Variants in OXNAD1 observed in about 807,000 individuals in gnomAD.
The protein encoded by OXNAD1 is oxidoreductase NAD binding domain containing 1.
A neutral mutation model predicts 32.9 loss-of-function variants in OXNAD1; 34 were observed. That is an observed-to-expected ratio of 1.03 (90% confidence interval 0.79 to 1.38). OXNAD1 has a LOEUF of 1.38. Among genes scored for constraint, OXNAD1 ranks in the 40% most tolerant of loss-of-function variants. OXNAD1 has a pLI of 0.00. For synonymous variants in OXNAD1, 134 were observed against 135.2 expected (o/e 0.99, Z 0.06); for missense variants, 407 against 379.4 (o/e 1.07, Z -0.60).
downstream of OXNAD1, among the ~76,000 whole-genome samples, chr3:16,310,960 A>T (rs574762244): frequency 7.1e-6 from 1 of 141,252 alleles, no homozygotes; most frequent in African/African-American, 2.6e-5. Flanking sequence ...ATTGCACTCC[A>T]GCCTGGGCAA....
chr3:16,268,569 G>A lies in OXNAD1; in HGVS notation c.-158-557G>A, dbSNP rs181738094. Among the ~76,000 whole-genome samples, 9 of 151,986 alleles carry A rather than the reference G, an allele frequency of 5.9e-5. No homozygotes were observed. In the East Asian group the frequency reaches 1.2e-3, roughly 20 times the overall value. On this transcript the variant is annotated intron_variant, in intron 1 of 8. Transcript: ENST00000285083. The stretch of plus-strand genomic sequence containing the variant: ...TGGTCTCAAACTCCTGACCTCAGGC[G>A]ATCTACCCACCTCATCCTCCCAAAG...
At position 16,301,878 on chromosome 3, in the gene OXNAD1, G is replaced by A; in HGVS notation, c.675+10G>A. On this transcript the variant is annotated intron_variant, in intron 7 of 8. Transcript: ENST00000285083. The surrounding 1 kb of genome is among the most constrained non-coding windows in gnomAD (Gnocchi z 4.1). ...CGAACTCCTGTTTAAGGTAAGGGAG[G>A]TATAGCTTGCTGTAAGCAAACTTGT... The A allele has an allele frequency of 1.2e-6, 2 of 1,611,132 alleles. No individual in the cohort carries two copies. The highest frequency in any genetic ancestry group is 1.3e-5 in the African/African-American group (1 of 74,930).
In OXNAD1 at chr3:16,298,900, T is replaced by G. The variant is rs1055919812; in HGVS notation, c.433-2726T>G. On this transcript the variant is annotated intron_variant, in intron 6 of 8. Coordinates refer to ENST00000285083, the MANE Select transcript of OXNAD1 (RefSeq NM_138381.5). This position sits in a 1 kb window ranked among gnomAD's most constrained non-coding sequence, Gnocchi z 5.1. ...TTACAGTGTACAGTACTTTGAGTCT[T>G]GTGTTCGTGTTACCCTCGCAGTTTT... is the stretch of plus-strand genomic sequence containing the variant. 6.6e-6 allele frequency among the ~76,000 whole-genome samples: 1 copy of G among 152,224 alleles called. No individual in the cohort carries two copies. Among genetic ancestry groups the G allele is most frequent in the Non-Finnish European group, 1.5e-5 (1 of 68,034 alleles).
Position 16,337,077 on chromosome 3 carries a change from C to T in OXNAD1, c.*31-35C>T, listed in dbSNP as rs1346889939. On this transcript the variant is annotated intron_variant, in intron 9 of 9. Coordinates refer to the OXNAD1 transcript ENST00000435829. This position sits in a 1 kb window ranked among gnomAD's most constrained non-coding sequence, Gnocchi z 5.0. ...CATTACGGTCATCCTGAACCTAGGC[C>T]TCAAGGAGCCTTGCTGTTTCTGCTC... is the stretch of plus-strand genomic sequence containing the variant. 6.6e-6 allele frequency: 1 copy of T among 152,220 alleles called. No homozygotes were observed. The highest frequency in any genetic ancestry group is 2.4e-5 in the African/African-American group (1 of 41,420). The allele number at this position is 152,220 out of a possible 1,614,324, so 9.4% of individuals were successfully genotyped here.
At chr3:16,306,184 C>T (rs1428097552), downstream of OXNAD1, 1 of 152,094 alleles carries the variant, frequency 6.6e-6, no homozygotes, top group African/African-American at 2.4e-5. Context: ...ATATTTGTAT[C>T]TTTCTCAGAT....
At position 16,335,815 on chromosome 3, in the gene OXNAD1, A is replaced by C. The variant is rs2070791944; in HGVS notation, c.*31-1297A>C. Among the ~76,000 whole-genome samples the C allele has an allele frequency of 6.6e-6, 1 of 151,834 alleles. No individual in the cohort carries two copies. The highest frequency in any genetic ancestry group is 1.5e-5 in the Non-Finnish European group (1 of 67,988). On this transcript the variant is annotated intron_variant, in intron 9 of 9. Transcript: ENST00000435829. This position sits in a 1 kb window ranked among gnomAD's most constrained non-coding sequence, Gnocchi z 4.7. ...AAAAAAGGAGTTTGATCACACCATC[A>C]AATATCTCAAGAGGGCAAGTCACAA...
Position 16,298,411 on chromosome 3 carries a change from C to T in OXNAD1, c.433-3215C>T, listed in dbSNP as rs1475878204. 6.6e-6 allele frequency among the ~76,000 whole-genome samples: 1 copy of T among 152,130 alleles called. No individual in the cohort carries two copies. Among genetic ancestry groups the T allele is most frequent in the Non-Finnish European group, 1.5e-5 (1 of 68,032 alleles). On this transcript the variant is annotated intron_variant, in intron 6 of 8. Transcript: ENST00000285083. The surrounding 1 kb of genome is among the most constrained non-coding windows in gnomAD (Gnocchi z 5.1). ...CAGCTTCCTGCTTGGTTTCATGCCT[C>T]ATTGGCATTTCAGTGAAGAAACTTA...
intron 5 of OXNAD1, among the ~76,000 whole-genome samples, chr3:16,293,898 G>C (rs1332532325): frequency 6.6e-6 from 1 of 152,134 alleles, no homozygotes; most frequent in African/African-American, 2.4e-5. Context: ...GTCTTTTCTT[G>C]ACTATTGAGA....
At chr3:16,272,672 A>C (rs2065038786) in intron 4 of OXNAD1, among the ~76,000 whole-genome samples, 1 of 134,368 alleles carries the variant, frequency 7.4e-6, no homozygotes, top group East Asian at 2.1e-4. Context: ...TTTTTTGAGA[A>C]GTCTGTAAAA....
intron 9 of OXNAD1, among the ~76,000 whole-genome samples, chr3:16,315,266 C>T (rs2068264436): frequency 6.6e-6 from 1 of 152,164 alleles, no homozygotes. Context: ...CAAGCACCCG[C>T]CACCACGCCC....
At position 16,337,149 on chromosome 3, in the gene OXNAD1, C is replaced by G. The variant is rs914719880; in HGVS notation, c.*68C>G. ...CGCCATGAGGACAGGCCCAGGCTAG[C>G]CTTCGGATGATGAGAGACCTGTGGC... On this transcript the variant is annotated 3_prime_UTR_variant, in exon 10 of 10. Coordinates refer to the OXNAD1 transcript ENST00000435829. The surrounding 1 kb of genome is among the most constrained non-coding windows in gnomAD (Gnocchi z 5.0). 8 of 152,222 alleles carry G rather than the reference C, an allele frequency of 5.3e-5. No homozygotes were observed. The highest frequency in any genetic ancestry group is 1.9e-4 in the African/African-American group (8 of 41,450). The allele number at this position is 152,222 out of a possible 1,614,324, so 9.4% of individuals were successfully genotyped here.
rs1378442410 is a variant in OXNAD1, at chr3:16,329,328, CAG to C, written c.*31-7783_*31-7782del. On this transcript the variant is annotated intron_variant, in intron 9 of 9. Coordinates refer to the OXNAD1 transcript ENST00000435829. This position sits in a 1 kb window ranked among gnomAD's most constrained non-coding sequence, Gnocchi z 4.5. ...TTACAACAGCACAAGTGGACCGAGA[CAG>C]GGCGGAAGTGGAGAAAGGGAAAGGG... 2.0e-5 allele frequency among the ~76,000 whole-genome samples: 3 copies of C among 150,158 alleles called. No individual in the cohort carries two copies. The highest frequency in any genetic ancestry group is 7.4e-5 in the African/African-American group (3 of 40,778).
downstream of OXNAD1, among the ~76,000 whole-genome samples, chr3:16,341,780 A>C (rs927194948): frequency 6.6e-6 from 1 of 152,228 alleles, no homozygotes; most frequent in Non-Finnish European, 1.5e-5. The surrounding 1 kb of genome is among the most constrained non-coding windows in gnomAD (Gnocchi z 4.7). Context: ...ATTACAAATA[A>C]TGAAGTAAAA....
downstream of OXNAD1, among the ~76,000 whole-genome samples, chr3:16,340,309 C>T (rs2071232825): frequency 1.3e-5 from 2 of 152,202 alleles, no homozygotes; most frequent in African/African-American, 4.8e-5. Flanking sequence ...CCACTTGCTG[C>T]TTTTGGGAAT....
In OXNAD1 at chr3:16,302,884, C is replaced by T. The variant is rs2067290671; in HGVS notation, c.784+136C>T. 1.4e-6 allele frequency: 1 copy of T among 707,842 alleles called. No homozygotes were observed. Among genetic ancestry groups the T allele is most frequent in the Non-Finnish European group, 2.4e-6 (1 of 409,566 alleles). The allele number at this position is 707,842 out of a possible 1,614,324, so 43.8% of individuals were successfully genotyped here. A position where few individuals can be genotyped will look rare whatever the true frequency, so the allele number is the denominator to read the frequency against. ...TATCTGGGGAATTGGGATGATTCCT[C>T]ATGGAAAAATGGATATTTAGTTGGG... is the stretch of plus-strand genomic sequence containing the variant. On this transcript the variant is annotated intron_variant, in intron 8 of 8. Coordinates refer to ENST00000285083, the MANE Select transcript of OXNAD1 (RefSeq NM_138381.5). This position sits in a 1 kb window ranked among gnomAD's most constrained non-coding sequence, Gnocchi z 4.2.
At chr3:16,270,011 G>A (rs1428962613) in intron 2 of OXNAD1, among the ~76,000 whole-genome samples, 1 of 152,178 alleles carries the variant, frequency 6.6e-6, no homozygotes, top group Non-Finnish European at 1.5e-5. Flanking sequence ...TGACAGGCTG[G>A]TAGTTTTTAG....
intron 9 of OXNAD1, among the ~76,000 whole-genome samples, chr3:16,326,231 T>G (rs2069673915): frequency 6.6e-6 from 1 of 152,174 alleles, no homozygotes; most frequent in South Asian, 2.1e-4. Flanking sequence ...AACCTGAAAT[T>G]ATAAGGAATG....
downstream of OXNAD1, among the ~76,000 whole-genome samples, chr3:16,310,924 AG>A (rs1366530088): frequency 7.5e-6 from 1 of 132,500 alleles, no homozygotes; most frequent in Non-Finnish European, 1.6e-5. Flanking sequence ...TGGGAGGTGG[AG>A]GTTGTGGTGA....
chr3:16,318,241 G>T (rs575445467), intron 9 of OXNAD1, among the ~76,000 whole-genome samples: 1 of 149,336 alleles, frequency 6.7e-6, no homozygotes, highest in African/African-American at 2.5e-5. Flanking sequence ...CAGAGTGCAC[G>T]TGGGGTTTTA....
Sources: gnomAD v4.1 joint callset for allele counts (sites outside exome capture counted in the v4.1 genomes callset) on GRCh38, gnomAD v4.1.1 for gene constraint, Gnocchi (gnomAD v3.1) non-coding constraint, MANE v1.5 for transcripts, NCBI Gene and HGNC (gene_info 2026-07-23, HGNC 2026-07-21) for gene names.